ST6GALNAC3: variants seen among roughly 807,000 people sequenced by gnomAD.
The protein encoded by ST6GALNAC3 is ST6 N-acetylgalactosaminide alpha-2,6-sialyltransferase 3, also known as alpha-N-acetylgalactosaminide alpha-2,6-sialyltransferase 3.
ST6GALNAC3 carries 25 observed loss-of-function variants against 32.7 expected under a neutral mutation model. The ratio of observed to expected loss-of-function variants is 0.76; its 90% CI spans 0.56 to 1.07. The LOEUF (loss-of-function observed/expected upper bound fraction) is 1.07. Among genes scored for constraint, ST6GALNAC3 ranks in the 50% least tolerant of loss-of-function variants. The probability of loss-of-function intolerance (pLI) is 0.00; values close to 1 mark genes in which losing one functional copy is unlikely to be tolerated. For synonymous variants in ST6GALNAC3, 129 were observed against 133.1 expected (o/e 0.97, Z 0.21); for missense variants, 355 against 382.4 (o/e 0.93, Z 0.60).
At chr1:76,359,978 A>G (rs1435062568) in intron 2 of ST6GALNAC3, among the ~76,000 whole-genome samples, 1 of 152,184 alleles carries the variant, frequency 6.6e-6, no homozygotes, top group African/African-American at 2.4e-5. Flanking sequence ...TCCAAATGCC[A>G]GTTAAGCTAC....
chr1:76,145,882 G>A (rs189202919), intron 1 of ST6GALNAC3, among the ~76,000 whole-genome samples: 1 of 152,268 alleles, frequency 6.6e-6, no homozygotes, highest in East Asian at 1.9e-4. Context: ...TTCTTTTAAT[G>A]TGGATTTACA....
At chr1:76,192,349 A>G (rs1346037173) in intron 1 of ST6GALNAC3, among the ~76,000 whole-genome samples, 1 of 152,194 alleles carries the variant, frequency 6.6e-6, no homozygotes, top group Non-Finnish European at 1.5e-5. Context: ...GATTGGTACC[A>G]GGCTCTGCTG....
chr1:76,361,057 C>T (rs1557822243), intron 2 of ST6GALNAC3, among the ~76,000 whole-genome samples: 3 of 146,910 alleles, frequency 2.0e-5, no homozygotes, highest in African/African-American at 5.0e-5. Context: ...TTAGGTTTTG[C>T]TTTTTTTTTT....
intron 3 of ST6GALNAC3, among the ~76,000 whole-genome samples, chr1:76,469,629 G>T (rs1658886951): frequency 6.6e-6 from 1 of 152,046 alleles, no homozygotes; most frequent in Non-Finnish European, 1.5e-5. Flanking sequence ...AACACCAGGA[G>T]GCTTATGAAT....
At chr1:76,597,952 A>T (rs1647163946) in intron 3 of ST6GALNAC3, among the ~76,000 whole-genome samples, 2 of 152,130 alleles carry the variant, frequency 1.3e-5, no homozygotes, top group African/African-American at 4.8e-5. Context: ...TATTTGGGGC[A>T]CTAAAACAAA....
chr1:76,113,101 C>CGAGGCTGGCG (rs1318846006), intron 1 of ST6GALNAC3, among the ~76,000 whole-genome samples: 1 of 151,806 alleles, frequency 6.6e-6, no homozygotes, highest in African/African-American at 2.4e-5. Context: ...CTCGGGAGGC[C>CGAGGCTGGCG]GAGGCTGGCG....
intron 1 of ST6GALNAC3, among the ~76,000 whole-genome samples, chr1:76,206,475 A>G (rs17098353): frequency 0.076 from 11,541 of 152,226 alleles, 448 homozygotes; most frequent in Middle Eastern, 0.11. Context: ...ACTAATGATC[A>G]CAGCTGGAAA....
chr1:76,108,511 G>A (rs1647693210), intron 1 of ST6GALNAC3, among the ~76,000 whole-genome samples: 1 of 152,126 alleles, frequency 6.6e-6, no homozygotes, highest in African/African-American at 2.4e-5. Flanking sequence ...TAGAAACTCA[G>A]CTCAGATTCT....
chr1:76,438,109 AT>A (rs1406963383), intron 3 of ST6GALNAC3, among the ~76,000 whole-genome samples: 6 of 151,504 alleles, frequency 4.0e-5, no homozygotes, highest in Non-Finnish European at 8.8e-5. Flanking sequence ...GATCTTCTAC[AT>A]TTTTTAAATG....
At chr1:76,285,919 C>T (rs903120003) in intron 1 of ST6GALNAC3, among the ~76,000 whole-genome samples, 12 of 151,922 alleles carry the variant, frequency 7.9e-5, no homozygotes, top group African/African-American at 2.4e-4. Context: ...CGCGCCCCCT[C>T]CCCCATCTGG....
chr1:76,465,189 A>T (rs2101609050), intron 3 of ST6GALNAC3, among the ~76,000 whole-genome samples: 1 of 152,304 alleles, frequency 6.6e-6, no homozygotes, highest in Middle Eastern at 3.4e-3. Flanking sequence ...TCTGCATGTC[A>T]GATATTGAGT....
At chr1:76,283,874 G>A (rs1418193739) in intron 1 of ST6GALNAC3, among the ~76,000 whole-genome samples, 4 of 152,146 alleles carry the variant, frequency 2.6e-5, no homozygotes, top group Non-Finnish European at 4.4e-5. Context: ...TTCTTCAGAT[G>A]TTGGGATTCA....
intron 1 of ST6GALNAC3, among the ~76,000 whole-genome samples, chr1:76,156,197 A>T (rs2100352869): frequency 6.6e-6 from 1 of 152,298 alleles, no homozygotes; most frequent in South Asian, 2.1e-4. Flanking sequence ...TTCAGGGTAC[A>T]TATTATTAAC....
At chr1:76,366,576 A>G (rs1041021377) in intron 2 of ST6GALNAC3, among the ~76,000 whole-genome samples, 10 of 152,200 alleles carry the variant, frequency 6.6e-5, no homozygotes, top group African/African-American at 2.2e-4. Context: ...CCGCTTCCAT[A>G]TGATCATGGA....
intron 1 of ST6GALNAC3, among the ~76,000 whole-genome samples, chr1:76,182,146 T>C (rs1364332510): frequency 6.6e-6 from 1 of 152,322 alleles, no homozygotes. Flanking sequence ...GCATTTTTAC[T>C]ATACTGAGCT....
chr1:76,470,007 T>C (rs1658909829), intron 3 of ST6GALNAC3, among the ~76,000 whole-genome samples: 1 of 152,102 alleles, frequency 6.6e-6, no homozygotes, highest in Non-Finnish European at 1.5e-5. Flanking sequence ...AAACTTCAAC[T>C]ACTAAATAAA....
chr1:76,155,857 G>T (rs1019724391), intron 1 of ST6GALNAC3, among the ~76,000 whole-genome samples: 5 of 152,092 alleles, frequency 3.3e-5, no homozygotes, highest in Non-Finnish European at 7.4e-5. Flanking sequence ...ATTAGTGAAG[G>T]AATATTGATA....
chr1:76,293,820 A>G (rs980078215), intron 1 of ST6GALNAC3, among the ~76,000 whole-genome samples: 2 of 152,110 alleles, frequency 1.3e-5, no homozygotes, highest in Non-Finnish European at 2.9e-5. Flanking sequence ...GGCTATATTG[A>G]TGTTGCGAAA....
At chr1:76,179,864 A>C (rs1260678129) in intron 1 of ST6GALNAC3, among the ~76,000 whole-genome samples, 1 of 152,066 alleles carries the variant, frequency 6.6e-6, no homozygotes, top group Non-Finnish European at 1.5e-5. Flanking sequence ...TAAGTTAGGT[A>C]TTTGTATGGT....
Sources: gnomAD v4.1 joint callset for allele counts (sites outside exome capture counted in the v4.1 genomes callset) on GRCh38, gnomAD v4.1.1 for gene constraint, MANE v1.5 for transcripts, NCBI Gene and HGNC (gene_info 2026-07-23, HGNC 2026-07-21) for gene names.